Variants in ZDHHC20 observed in about 807,000 individuals in gnomAD.
ZDHHC20 encodes palmitoyltransferase ZDHHC20.
A neutral mutation model predicts 57.8 loss-of-function variants in ZDHHC20; 43 were observed. That is an observed-to-expected ratio of 0.74 (90% confidence interval 0.58 to 0.96). ZDHHC20 has a LOEUF of 0.96. Ranked by LOEUF, ZDHHC20 falls within the 40% of genes least tolerant of loss-of-function variation. The pLI, the probability that ZDHHC20 is intolerant of heterozygous loss-of-function variation, is 0.00. For synonymous variants in ZDHHC20, 157 were observed against 153.0 expected, an observed-to-expected ratio of 1.03 and a Z score of -0.19; for missense variants, 391 against 441.1, an observed-to-expected ratio of 0.89 and a Z score of 1.02.
intron 1 of ZDHHC20, among the ~76,000 whole-genome samples, chr13:21,452,596 T>G (rs1234608281): frequency 1.3e-5 from 2 of 152,192 alleles, no homozygotes; most frequent in Non-Finnish European, 2.9e-5. Context: ...CTTTAAAAAC[T>G]ATTAATATAA....
chr13:21,440,423 C>A (rs1306880254), intron 1 of ZDHHC20, among the ~76,000 whole-genome samples: 1 of 152,010 alleles, frequency 6.6e-6, no homozygotes, highest in East Asian at 1.9e-4. Flanking sequence ...CCAGCTTGGC[C>A]AACATGGTGA....
chr13:21,389,998 T>G (rs1039170717), intron 8 of ZDHHC20, among the ~76,000 whole-genome samples: 1 of 152,160 alleles, frequency 6.6e-6, no homozygotes, highest in Non-Finnish European at 1.5e-5. Flanking sequence ...ATAAGAAATT[T>G]TATTTACATG....
intron 1 of ZDHHC20, among the ~76,000 whole-genome samples, chr13:21,429,327 C>T (rs944340793): frequency 6.6e-6 from 1 of 152,160 alleles, no homozygotes; most frequent in South Asian, 2.1e-4. Flanking sequence ...TGAGGATGTG[C>T]TATCTGAATG....
chr13:21,420,650 T>C (rs778755908), intron 3 of ZDHHC20, among the ~76,000 whole-genome samples: 5 of 152,238 alleles, frequency 3.3e-5, no homozygotes, highest in Non-Finnish European at 7.3e-5. Flanking sequence ...CAGCAAGCAA[T>C]AGCCTAGACA....
chr13:21,411,330 G>C (rs1469943710), intron 4 of ZDHHC20, among the ~76,000 whole-genome samples: 1 of 152,198 alleles, frequency 6.6e-6, no homozygotes, highest in African/African-American at 2.4e-5. Flanking sequence ...GATTGACCGA[G>C]TATGTTATAT....
chr13:21,423,971 A>T (rs1049810167), intron 2 of ZDHHC20, among the ~76,000 whole-genome samples: 4 of 151,984 alleles, frequency 2.6e-5, no homozygotes, highest in Non-Finnish European at 5.9e-5. Context: ...AAAACAATAT[A>T]CTCTTCATAG....
intron 1 of ZDHHC20, among the ~76,000 whole-genome samples, chr13:21,428,371 C>T (rs918638888): frequency 1.3e-5 from 2 of 151,744 alleles, no homozygotes; most frequent in African/African-American, 2.4e-5. Flanking sequence ...CAGGTGCACG[C>T]CACCATGCCT....
At chr13:21,394,636 A>C (rs765418936) in intron 7 of ZDHHC20, among the ~76,000 whole-genome samples, 86 of 152,332 alleles carry the variant, frequency 5.6e-4, no homozygotes, top group Middle Eastern at 3.4e-3. Context: ...AAAGTTATTC[A>C]TTCTTTAATA....
At chr13:21,417,995 C>A (rs1880211219) in intron 3 of ZDHHC20, among the ~76,000 whole-genome samples, 1 of 152,142 alleles carries the variant, frequency 6.6e-6, no homozygotes, top group South Asian at 2.1e-4. Flanking sequence ...CAAAGAGAAT[C>A]TTAAATTCCT....
intron 1 of ZDHHC20, among the ~76,000 whole-genome samples, chr13:21,451,292 T>C (rs1884418708): frequency 6.6e-6 from 1 of 152,236 alleles, no homozygotes; most frequent in Admixed American, 6.5e-5. Context: ...ATTATTATTC[T>C]AGATGTTTGT....
chr13:21,458,339 T>C (rs1334646830), intron 1 of ZDHHC20, among the ~76,000 whole-genome samples: 1 of 152,148 alleles, frequency 6.6e-6, no homozygotes, highest in Non-Finnish European at 1.5e-5. Context: ...AATATGAGTA[T>C]AAGAAATATA....
At chr13:21,414,527 ATTTTT>A (rs747307477) in intron 3 of ZDHHC20, among the ~76,000 whole-genome samples, 1 of 107,498 alleles carries the variant, frequency 9.3e-6, no homozygotes, top group Non-Finnish European at 2.0e-5. Context: ...TGCCCGGATA[ATTTTT>A]TTTTTTTTTT....
At chr13:21,432,468 T>G (rs528341953) in intron 1 of ZDHHC20, among the ~76,000 whole-genome samples, 13 of 152,258 alleles carry the variant, frequency 8.5e-5, no homozygotes, top group African/African-American at 2.9e-4. Context: ...TAGCTGGGAC[T>G]GCAGGCGCCC....
At chr13:21,428,221 T>C (rs1483454648) in intron 1 of ZDHHC20, among the ~76,000 whole-genome samples, 1 of 152,058 alleles carries the variant, frequency 6.6e-6, no homozygotes, top group Admixed American at 6.6e-5. Flanking sequence ...TTTTTCTTTT[T>C]TGTTTTGTTT....
intron 7 of ZDHHC20, among the ~76,000 whole-genome samples, chr13:21,392,177 G>C (rs1481657960): frequency 6.7e-6 from 1 of 149,100 alleles, no homozygotes; most frequent in Non-Finnish European, 1.5e-5. Context: ...AGGAGTTCTA[G>C]GCCATCCTGG....
At chr13:21,378,637 AG>A in intron 12 of ZDHHC20, 23 bp downstream of exon 12, 1 of 1,259,324 alleles carries the variant, frequency 7.9e-7, no homozygotes, top group South Asian at 2.4e-5. Flanking sequence ...CATTTATTCA[AG>A]GATTACCTTT....
chr13:21,394,981 A>C (rs561575217), intron 7 of ZDHHC20, among the ~76,000 whole-genome samples: 78 of 152,308 alleles, frequency 5.1e-4, no homozygotes, highest in Middle Eastern at 3.4e-3. Flanking sequence ...TTCTTTAATT[A>C]TAATTATATT....
intron 1 of ZDHHC20, among the ~76,000 whole-genome samples, chr13:21,448,225 C>T (rs1487070829): frequency 1.2e-5 from 1 of 83,580 alleles, no homozygotes; most frequent in African/African-American, 3.9e-5. Context: ...CCAGCTGCCC[C>T]ATCCGGGAGG....
chr13:21,423,790 TATG>T (rs983395808), intron 2 of ZDHHC20, among the ~76,000 whole-genome samples: 4 of 151,866 alleles, frequency 2.6e-5, no homozygotes, highest in Non-Finnish European at 5.9e-5. Flanking sequence ...TTCCTACTGC[TATG>T]ATAACACTGA....
Sources: gnomAD v4.1 joint callset for allele counts (sites outside exome capture counted in the v4.1 genomes callset) on GRCh38, gnomAD v4.1.1 for gene constraint, MANE v1.5 for transcripts, NCBI Gene and HGNC (gene_info 2026-07-23, HGNC 2026-07-21) for gene names.